The following COL6A6 variants were observed in gnomAD, a reference collection of about 807,000 sequenced individuals.
COL6A6 encodes collagen alpha-6(VI) chain.
COL6A6 carries 183 observed loss-of-function variants against 208.6 expected under a neutral mutation model. The observed-to-expected ratio is 0.88, with a 90% CI of 0.78 to 0.99. COL6A6 has a LOEUF of 0.99. Ranked by LOEUF, COL6A6 falls within the 50% of genes least tolerant of loss-of-function variation. The pLI is 0.00. For synonymous variants in COL6A6, 973 were observed against 1,011.8 expected, an observed-to-expected ratio of 0.96 and a Z score of 0.73; for missense variants, 2,816 against 2,815.2, an observed-to-expected ratio of 1.00 and a Z score of -0.01.
chr3:130,627,014 T>C (rs1375129252), intron 25 of COL6A6, among the ~76,000 whole-genome samples: 1 of 152,176 alleles, frequency 6.6e-6, no homozygotes, highest in East Asian at 1.9e-4. Context: ...TCTCCTCTTA[T>C]TGAAAGATTA....
At chr3:130,590,577 C>CT (rs1307612129) in intron 12 of COL6A6, among the ~76,000 whole-genome samples, 13 of 147,974 alleles carry the variant, frequency 8.8e-5, no homozygotes, top group Non-Finnish European at 1.0e-4. Flanking sequence ...TTTTTTGTCC[C>CT]TTTTTTTTGA....
At chr3:130,649,624 C>CT in intron 33 of COL6A6, 62 bp downstream of exon 33, 2 of 1,442,372 alleles carry the variant, frequency 1.4e-6, no homozygotes, top group Non-Finnish European at 1.8e-6. Flanking sequence ...TCAGAAGCCC[C>CT]TATACTACCT....
Position 130,655,848 on chromosome 3 carries a change from C to G in COL6A6, c.5734-2828C>G, listed in dbSNP as rs144623325. Among the ~76,000 whole-genome samples the G allele has an allele frequency of 2.0e-5, 3 of 152,346 alleles. No individual in the cohort carries two copies. In the East Asian group the frequency reaches 5.8e-4, roughly 29 times the overall value. ...GGCTTGTTCCACCCATTCAGCCTGG[C>G]AGGCTGTGCTTGGCTCATGCTACCA... On this transcript the variant is annotated intron_variant, in intron 33 of 36. Coordinates refer to ENST00000358511, the MANE Select transcript of COL6A6 (RefSeq NM_001102608.3).
rs1427714367 is a variant in COL6A6, at chr3:130,589,191, A to C, written c.4218+9A>C. The C allele has an allele frequency of 1.9e-6, 3 of 1,603,290 alleles. No homozygotes were observed. In the African/African-American group the frequency reaches 4.0e-5, roughly 21 times the overall value. ...GACCACCAGGGAAAAGGGTGATTTT[A>C]GCTCAGATTTATGGGTTACTTTGAG... is the stretch of plus-strand genomic sequence containing the variant. On this transcript the variant is annotated intron_variant, in intron 12 of 36. Transcript: ENST00000358511.
Position 130,661,720 on chromosome 3 carries a change from G to C in COL6A6, c.5914G>C (p.Ala1972Pro). Residue 1972 changes from alanine to proline, a missense_variant, in exon 35 of 37, where the codon GCC becomes CCC. Physicochemically the swap from Ala to Pro is conservative, Grantham distance 27. Transcript: ENST00000358511. ...SYMDAAFLLD[A>P]SRNMGSAEFE... ...CATGGATGCTGCTTTCCTTCTGGAT[G>C]CCTCCCGGAACATGGGAAGTGCTGA... 1 of 1,613,934 alleles carries C rather than the reference G, an allele frequency of 6.2e-7. No homozygotes were observed. Among genetic ancestry groups the C allele is most frequent in the Non-Finnish European group, 8.5e-7 (1 of 1,179,864 alleles).
Position 130,634,519 on chromosome 3 carries a change from A to G in COL6A6, c.4993-71A>G, listed in dbSNP as rs1468661316. On this transcript the variant is annotated intron_variant, in intron 26 of 36. Transcript: ENST00000358511. ...ACCAAAACTACACAGGGCAGCAGGT[A>G]AATTGAAAATCAATGTAGACTTCAT... The G allele has an allele frequency of 4.4e-6, 6 of 1,371,788 alleles. No individual in the cohort carries two copies. In the African/African-American group the frequency reaches 8.6e-5, roughly 20 times the overall value. The allele number at this position is 1,371,788 out of a possible 1,614,324, so 85.0% of individuals were successfully genotyped here.
At chr3:130,663,254 T>C (rs544850958) in intron 35 of COL6A6, among the ~76,000 whole-genome samples, 35 of 152,254 alleles carry the variant, frequency 2.3e-4, no homozygotes, top group African/African-American at 7.5e-4. Context: ...GTATATCCTC[T>C]ATGATTCAAA....
chr3:130,658,860 G>A (rs779164690), intron 34 of COL6A6, 88 bp downstream of exon 34: 57 of 919,984 alleles, frequency 6.2e-5, no homozygotes, highest in Admixed American at 2.6e-4. Context: ...CTTGGCAGCA[G>A]GGATACTTAT....
intron 1 of COL6A6, among the ~76,000 whole-genome samples, chr3:130,520,315 A>T (rs1358086019): frequency 6.6e-6 from 1 of 152,250 alleles, no homozygotes; most frequent in Non-Finnish European, 1.5e-5. Flanking sequence ...GGAATTTAAA[A>T]GGCATAAATG....
At chr3:130,566,461 T>G (rs918351713) in intron 4 of COL6A6, among the ~76,000 whole-genome samples, 3 of 152,230 alleles carry the variant, frequency 2.0e-5, no homozygotes, top group African/African-American at 7.2e-5. Flanking sequence ...TCTCCTACCA[T>G]ATTCAGACTT....
intron 8 of COL6A6, among the ~76,000 whole-genome samples, chr3:130,575,041 A>C (rs2063260387): frequency 6.6e-6 from 1 of 152,218 alleles, no homozygotes; most frequent in Non-Finnish European, 1.5e-5. Flanking sequence ...AGATGGAAGT[A>C]AAGTGTCTTA....
intron 23 of COL6A6, among the ~76,000 whole-genome samples, chr3:130,619,682 G>A (rs2064651239): frequency 6.6e-6 from 1 of 152,132 alleles, no homozygotes; most frequent in African/African-American, 2.4e-5. Context: ...TGGGCCTGAA[G>A]GCAAGTAATG....
chr3:130,567,300 C>T lies in COL6A6; in HGVS notation c.1843+38C>T, dbSNP rs780632883. 4.0e-5 allele frequency: 59 copies of T among 1,460,522 alleles called. 1 individual carries two copies. The highest frequency in any genetic ancestry group is 3.2e-4 in the Admixed American group (16 of 49,492). 90.5% of individuals were successfully genotyped at this position (1,460,522 alleles called of 1,614,324 possible). ...GTGGCTTTACCTACTGACCTTCACT[C>T]GCAAATTGCTATCCTGGCAATAATT... On this transcript the variant is annotated intron_variant, in intron 5 of 36. Coordinates refer to ENST00000358511, the MANE Select transcript of COL6A6 (RefSeq NM_001102608.3).
At chr3:130,617,339 T>G (rs16830212) in intron 23 of COL6A6, among the ~76,000 whole-genome samples, 14,681 of 152,220 alleles carry the variant, frequency 0.096, 1,012 homozygotes, top group Admixed American at 0.2. Context: ...AAGAGAATTA[T>G]ACTCAATGTA....
At chr3:130,584,920 T>C (rs1266929625) in intron 10 of COL6A6, among the ~76,000 whole-genome samples, 1 of 151,848 alleles carries the variant, frequency 6.6e-6, no homozygotes, top group African/African-American at 2.4e-5. Flanking sequence ...GGCCTCTTTC[T>C]TTCTTCCACT....
Position 130,574,058 on chromosome 3 carries a change from T to TTC in COL6A6, c.3081_3082dup (p.Gln1028LeufsTer13). On this transcript the variant is annotated frameshift_variant, in exon 8 of 37. Transcript: ENST00000358511. LOFTEE classifies it high-confidence loss of function. Reference sequence around the variant, plus strand: ...ATGAAGGAATTTCTGGCATCTGTTGTTCAAGACTTTGATGTCAGCCTCAAC... The same window carrying TTC: ...ATGAAGGAATTTCTGGCATCTGTTGTTCTCAAGACTTTGATGTCAGCCTCAAC... 6.2e-7 allele frequency: 1 copy of TTC among 1,613,946 alleles called. No individual in the cohort carries two copies. The highest frequency in any genetic ancestry group is 8.5e-7 in the Non-Finnish European group (1 of 1,179,840).
At chr3:130,575,667 C>G (rs907851922) in intron 8 of COL6A6, among the ~76,000 whole-genome samples, 6 of 152,266 alleles carry the variant, frequency 3.9e-5, no homozygotes, top group South Asian at 2.1e-4. Context: ...ATCTTACTAA[C>G]CATAGTTTCT....
rs1467999106 is a variant in COL6A6 at position 130,634,120 on chromosome 3, C to G, written c.4993-470C>G. On this transcript the variant is annotated intron_variant, in intron 26 of 36. Coordinates refer to ENST00000358511, the MANE Select transcript of COL6A6 (RefSeq NM_001102608.3). ...TCCCTGTAGCAGCATTTCAGGGAAA[C>G]AGTTTGTCAATATTACTTTCCTTTG... Among the ~76,000 whole-genome samples the G allele has an allele frequency of 3.6e-5, 3 of 84,494 alleles. 1 individual carries two copies. The highest frequency in any genetic ancestry group is 5.7e-5 in the Non-Finnish European group (3 of 52,258). 55.4% of individuals were successfully genotyped at this position (84,494 alleles called of 152,430 possible).
At chr3:130,567,301 G>T (rs138809071) in intron 5 of COL6A6, 39 bp downstream of exon 5, 7 of 1,456,458 alleles carry the variant, frequency 4.8e-6, no homozygotes, top group Middle Eastern at 2.0e-4. Context: ...ACCTTCACTC[G>T]CAAATTGCTA....
Sources: gnomAD v4.1 joint callset for allele counts (sites outside exome capture counted in the v4.1 genomes callset) on GRCh38, gnomAD v4.1.1 for gene constraint, MANE v1.5 for transcripts, NCBI Gene and HGNC (gene_info 2026-07-23, HGNC 2026-07-21) for gene names.